The following SMYD3 variants were observed in gnomAD, a reference collection of about 807,000 sequenced individuals.
SMYD3 encodes histone-lysine N-methyltransferase SMYD3.
SMYD3 carries 36 observed loss-of-function variants against 57.7 expected under a neutral mutation model. The ratio of observed to expected loss-of-function variants is 0.62; its 90% CI spans 0.48 to 0.82. SMYD3 has a LOEUF of 0.82. SMYD3 is among the 40% of genes least tolerant of loss of function. SMYD3 has a pLI of 0.00. For missense variants in SMYD3, 515 were observed against 538.8 expected (o/e 0.96, Z 0.44); for synonymous variants, 211 against 195.0 (o/e 1.08, Z -0.68).
chr1:246,154,912 G>A (rs2062000251), intron 5 of SMYD3, among the ~76,000 whole-genome samples: 1 of 151,888 alleles, frequency 6.6e-6, no homozygotes, highest in Admixed American at 6.6e-5. Flanking sequence ...TTCATAAGAA[G>A]CTGGGACTAC....
chr1:246,227,547 G>A lies in SMYD3; in HGVS notation c.531+99654C>T, dbSNP rs570120707. On this transcript the variant is annotated intron_variant, in intron 5 of 11. Transcript: ENST00000490107. Reference sequence around the variant, plus strand: ...GGAGAATCACTTGAACGTGGGAGGCGGAGGTTGCAGTGAGCTGAGATTGCA... The same window carrying A: ...GGAGAATCACTTGAACGTGGGAGGCAGAGGTTGCAGTGAGCTGAGATTGCA... Among the ~76,000 whole-genome samples, 278 of 152,156 alleles carry A rather than the reference G, an allele frequency of 1.8e-3. 1 individual carries two copies. The highest frequency in any genetic ancestry group is 0.01 in the Middle Eastern group (3 of 294).
At chr1:246,361,583 T>C (rs1420543992) in intron 1 of SMYD3, among the ~76,000 whole-genome samples, 4 of 152,052 alleles carry the variant, frequency 2.6e-5, no homozygotes, top group African/African-American at 9.7e-5. Flanking sequence ...GAAAATGTGG[T>C]ATATATATAC....
intron 5 of SMYD3, among the ~76,000 whole-genome samples, chr1:246,039,625 T>C (rs914998226): frequency 3.9e-5 from 6 of 152,028 alleles, no homozygotes; most frequent in Admixed American, 1.3e-4. Flanking sequence ...TAAGCGCCAA[T>C]GGGTAAGACT....
intron 10 of SMYD3, among the ~76,000 whole-genome samples, chr1:245,852,095 C>T (rs1377634330): frequency 6.6e-6 from 1 of 152,230 alleles, no homozygotes; most frequent in Non-Finnish European, 1.5e-5. Context: ...AGCCTGTCTG[C>T]TGTCATCCAA....
chr1:245,774,927 T>C (rs2046504053), intron 10 of SMYD3, among the ~76,000 whole-genome samples: 1 of 152,164 alleles, frequency 6.6e-6, no homozygotes, highest in Admixed American at 6.5e-5. Context: ...GGTCTCCAGC[T>C]CCTAACCGCG....
At chr1:245,999,407 A>G (rs1271132888) in intron 5 of SMYD3, among the ~76,000 whole-genome samples, 1 of 152,170 alleles carries the variant, frequency 6.6e-6, no homozygotes, top group African/African-American at 2.4e-5. Context: ...CCCTTGATGT[A>G]GGTTTTTATT....
At chr1:246,266,837 T>C (rs2064119661) in intron 5 of SMYD3, among the ~76,000 whole-genome samples, 1 of 151,858 alleles carries the variant, frequency 6.6e-6, no homozygotes, top group Non-Finnish European at 1.5e-5. Context: ...AGAAAGAAAG[T>C]AATGACAGAG....
intron 5 of SMYD3, among the ~76,000 whole-genome samples, chr1:246,192,805 T>C (rs1340408300): frequency 3.3e-5 from 5 of 152,022 alleles, no homozygotes; most frequent in African/African-American, 9.7e-5. Flanking sequence ...AGATTAGCTC[T>C]CTCTAGGGAA....
chr1:246,114,931 A>T (rs1034739348), intron 5 of SMYD3, among the ~76,000 whole-genome samples: 1 of 152,142 alleles, frequency 6.6e-6, no homozygotes, highest in Non-Finnish European at 1.5e-5. Context: ...CACCCGGCCT[A>T]AACTTGGTTT....
intron 5 of SMYD3, among the ~76,000 whole-genome samples, chr1:246,010,949 C>T (rs1354216930): frequency 6.6e-6 from 1 of 152,210 alleles, no homozygotes; most frequent in African/African-American, 2.4e-5. Flanking sequence ...ATAGGAAGGA[C>T]ATATAACATG....
At chr1:245,768,670 G>A (rs2046216396) in intron 10 of SMYD3, among the ~76,000 whole-genome samples, 3 of 152,198 alleles carry the variant, frequency 2.0e-5, no homozygotes, top group Non-Finnish European at 4.4e-5. Flanking sequence ...GGTCATCAAG[G>A]CTCCTCCCCT....
At chr1:246,383,282 G>C (rs1408363746) in intron 1 of SMYD3, among the ~76,000 whole-genome samples, 2 of 152,218 alleles carry the variant, frequency 1.3e-5, no homozygotes, top group African/African-American at 4.8e-5. Flanking sequence ...ATGAGTGTTG[G>C]GGATGGGTAG....
At chr1:246,176,335 C>T (rs1365451112) in intron 5 of SMYD3, among the ~76,000 whole-genome samples, 1 of 152,118 alleles carries the variant, frequency 6.6e-6, no homozygotes, top group African/African-American at 2.4e-5. Context: ...TTAAGAAGGA[C>T]TATATTTAGC....
intron 5 of SMYD3, among the ~76,000 whole-genome samples, chr1:246,220,897 G>A (rs1474991724): frequency 6.6e-6 from 1 of 151,928 alleles, no homozygotes; most frequent in Non-Finnish European, 1.5e-5. Flanking sequence ...CCACTCCAGG[G>A]TCTCCTCTCT....
intron 8 of SMYD3, among the ~76,000 whole-genome samples, chr1:245,874,295 A>G (rs1473890305): frequency 6.6e-6 from 1 of 152,224 alleles, no homozygotes; most frequent in African/African-American, 2.4e-5. Flanking sequence ...AACAGGCAAT[A>G]TTCCAAGCTT....
chr1:246,148,117 C>G (rs887412369), intron 5 of SMYD3, among the ~76,000 whole-genome samples: 1 of 152,144 alleles, frequency 6.6e-6, no homozygotes, highest in Non-Finnish European at 1.5e-5. Flanking sequence ...GGCCAGGATG[C>G]CAGTCCGGGA....
chr1:245,961,954 T>C (rs746979545), intron 5 of SMYD3, among the ~76,000 whole-genome samples: 2 of 152,184 alleles, frequency 1.3e-5, no homozygotes, highest in African/African-American at 2.4e-5. Context: ...CTGATTTCGC[T>C]GATTTCCACG....
At chr1:245,978,358 A>C (rs896487362) in intron 5 of SMYD3, among the ~76,000 whole-genome samples, 2 of 152,220 alleles carry the variant, frequency 1.3e-5, no homozygotes, top group African/African-American at 4.8e-5. Context: ...TTTAAAACTC[A>C]GTAGAAATTA....
chr1:245,995,941 G>T (rs1024119248), intron 5 of SMYD3, among the ~76,000 whole-genome samples: 5 of 152,182 alleles, frequency 3.3e-5, no homozygotes, highest in African/African-American at 1.2e-4. Flanking sequence ...CACCACACCA[G>T]TGGAAAGACA....
Sources: gnomAD v4.1 joint callset for allele counts (sites outside exome capture counted in the v4.1 genomes callset) on GRCh38, gnomAD v4.1.1 for gene constraint, MANE v1.5 for transcripts, NCBI Gene and HGNC (gene_info 2026-07-23, HGNC 2026-07-21) for gene names.